The following CYREN variants were observed in gnomAD, a reference collection of about 807,000 sequenced individuals.
CYREN encodes cell cycle regulator of non-homologous end joining.
In CYREN, 7 loss-of-function variants were observed where a neutral mutation model predicts 9.7. The observed-to-expected ratio is 0.72, with a 90% confidence interval of 0.41 to 1.36. CYREN has a LOEUF of 1.36. Among genes scored for constraint, CYREN ranks in the 40% most tolerant of loss-of-function variants. CYREN has a pLI of 0.01. For missense variants in CYREN, 215 were observed against 198.1 expected (o/e 1.09, Z -0.51); for synonymous variants, 76 against 77.9 (o/e 0.98, Z 0.13).
chr7:135,164,786 G>A, downstream of CYREN: 1 of 1,614,170 alleles, frequency 6.2e-7, no homozygotes, highest in South Asian at 1.1e-5. Flanking sequence ...CGTGGCGGCT[G>A]GCAGTGGGCT....
intron 2 of CYREN, among the ~76,000 whole-genome samples, chr7:135,127,256 A>C (rs1331307356): frequency 6.6e-6 from 1 of 152,220 alleles, no homozygotes; most frequent in Non-Finnish European, 1.5e-5. Flanking sequence ...GCCAACAAGC[A>C]TATGTAAAAA....
chr7:135,148,203 A>G (rs1395048007), intron 2 of CYREN: 2 of 431,872 alleles, frequency 4.6e-6, no homozygotes, highest in Admixed American at 5.9e-5. Context: ...GGAAGATTCA[A>G]ACAACCAACC....
In CYREN at chr7:135,119,231, TA is replaced by T. The variant is rs200887054; in HGVS notation, n.357-24650del. 2.9e-3 allele frequency among the ~76,000 whole-genome samples: 436 copies of T among 151,166 alleles called. 1 individual carries two copies. The highest frequency in any genetic ancestry group is 4.9e-3 in the Non-Finnish European group (331 of 67,648). On this transcript the variant is annotated intron_variant and non_coding_transcript_variant, in intron 2 of 2. Coordinates refer to the CYREN transcript ENST00000459937. ...ATTCATGCCAAGATACCCCAAAATTTAAATTTTTTTTTTTTTGAGACAAAGT... is the reference window on the plus strand; with the variant it reads ...ATTCATGCCAAGATACCCCAAAATTTAATTTTTTTTTTTTTGAGACAAAGT...
chr7:135,153,567 A>G (rs1829716280), intron 2 of CYREN, among the ~76,000 whole-genome samples: 1 of 152,184 alleles, frequency 6.6e-6, no homozygotes, highest in African/African-American at 2.4e-5. Context: ...AATTAATACA[A>G]CTTTTAGGGA....
chr7:135,131,512 G>T (rs1193872847), intron 2 of CYREN, among the ~76,000 whole-genome samples: 1 of 151,708 alleles, frequency 6.6e-6, no homozygotes, highest in Non-Finnish European at 1.5e-5. Context: ...TAATGGAAAT[G>T]AAACTATAAT....
chr7:135,168,542 C>G lies in CYREN; in HGVS notation c.137+244G>C, dbSNP rs559097855. 688 of 527,536 alleles carry G rather than the reference C, an allele frequency of 1.3e-3. 4 individuals are homozygous for G. Among genetic ancestry groups the G allele is most frequent in the South Asian group, 1.4e-3 (51 of 36,078 alleles). 32.7% of individuals were successfully genotyped at this position (527,536 alleles called of 1,614,324 possible). A position where few individuals can be genotyped will look rare whatever the true frequency, so the allele number is the denominator to read the frequency against. ...GACTGGCTGACATGGAGAACCCACT[C>G]TGTGTGTGCTGAGGGCAGGGCACTC... is the stretch of plus-strand genomic sequence containing the variant. On this transcript the variant is annotated intron_variant, in intron 2 of 3. Coordinates refer to ENST00000393114, the MANE Select transcript of CYREN (RefSeq NM_024033.4).
At chr7:135,130,593 T>G (rs1828601972) in intron 2 of CYREN, among the ~76,000 whole-genome samples, 1 of 151,806 alleles carries the variant, frequency 6.6e-6, no homozygotes, top group South Asian at 2.1e-4. Context: ...GGAGAAAGCT[T>G]AATAATATAT....
At chr7:135,135,243 G>C (rs1200126304) in intron 2 of CYREN, 1 of 1,523,354 alleles carries the variant, frequency 6.6e-7, no homozygotes, top group Non-Finnish European at 8.8e-7. Flanking sequence ...TATATCTGAA[G>C]TTCCAAAGGG....
chr7:135,153,400 G>A (rs1011376795), intron 2 of CYREN, among the ~76,000 whole-genome samples: 1 of 144,384 alleles, frequency 6.9e-6, no homozygotes, highest in Admixed American at 7.2e-5. Flanking sequence ...GTTGCAGTGA[G>A]CTGAGATCAT....
intron 2 of CYREN, among the ~76,000 whole-genome samples, chr7:135,158,671 CAG>C (rs1480688251): frequency 4.0e-5 from 6 of 151,406 alleles, no homozygotes; most frequent in Admixed American, 1.3e-4. Context: ...GGCCTGGGAT[CAG>C]AGAGTGTCCC....
At chr7:135,136,524 G>A (rs1829348914) in intron 2 of CYREN, among the ~76,000 whole-genome samples, 2 of 151,970 alleles carry the variant, frequency 1.3e-5, no homozygotes, top group African/African-American at 4.8e-5. Flanking sequence ...TGATTATCTT[G>A]GGCAAGAGCA....
rs151074210 is a variant in CYREN, at chr7:135,167,511, G to A, written c.213+221C>T. 4.8e-4 allele frequency: 683 copies of A among 1,409,974 alleles called. 2 individuals are homozygous for A. In the African/African-American group the frequency reaches 8.3e-3, roughly 17 times the overall value. 87.3% of individuals were successfully genotyped at this position (1,409,974 alleles called of 1,614,324 possible). ...CACACACACGCCCTCCCTAACACACGCATGCCCTCCCAGGCTTCTAGCCTC... is the reference window on the plus strand; with the variant it reads ...CACACACACGCCCTCCCTAACACACACATGCCCTCCCAGGCTTCTAGCCTC... On this transcript the variant is annotated intron_variant, in intron 3 of 3. Coordinates refer to ENST00000393114, the MANE Select transcript of CYREN (RefSeq NM_024033.4).
downstream of CYREN, among the ~76,000 whole-genome samples, chr7:135,163,849 T>TCAC (rs1830011761): frequency 6.6e-6 from 1 of 152,178 alleles, no homozygotes; most frequent in Admixed American, 6.5e-5. Context: ...TGACCCAGGC[T>TCAC]CACCTTCGAA....
At chr7:135,128,815 G>A in intron 2 of CYREN, 1 of 1,167,366 alleles carries the variant, frequency 8.6e-7, no homozygotes, top group Non-Finnish European at 1.3e-6. Flanking sequence ...GGAAACTGTG[G>A]ATGAGACAGC....
At chr7:135,163,359 T>C (rs776311344), downstream of CYREN, among the ~76,000 whole-genome samples, 12 of 152,206 alleles carry the variant, frequency 7.9e-5, no homozygotes, top group Non-Finnish European at 1.6e-4. Context: ...AAATATCTTC[T>C]GGCCAGGCAT....
At chr7:135,094,473 G>A in exon 3 of CYREN, 1 of 456,702 alleles carries the variant, frequency 2.2e-6, no homozygotes, top group South Asian at 1.5e-5. Flanking sequence ...TAGCTTGAAA[G>A]TGAGAAACTC....
chr7:135,108,111 A>G (rs775297732), intron 2 of CYREN, among the ~76,000 whole-genome samples: 1 of 152,102 alleles, frequency 6.6e-6, no homozygotes, highest in Non-Finnish European at 1.5e-5. Context: ...GTGTCACTGC[A>G]TGTGAGATGG....
At chr7:135,168,679 C>A in intron 2 of CYREN, 107 bp downstream of exon 2, 1 of 1,467,452 alleles carries the variant, frequency 6.8e-7, no homozygotes, top group Non-Finnish European at 9.1e-7. Context: ...ACTGAAACAC[C>A]CGCCCATCTT....
intron 2 of CYREN, chr7:135,101,230 G>A: frequency 2.2e-6 from 1 of 456,174 alleles, no homozygotes; most frequent in Non-Finnish European, 4.4e-6. Context: ...TCTCCTATGG[G>A]CAAACAAACT....
Sources: allele counts gnomAD v4.1 joint callset (sites outside exome capture counted in the v4.1 genomes callset), GRCh38; gene constraint gnomAD v4.1.1; transcripts MANE v1.5; gene names NCBI Gene and HGNC (gene_info 2026-07-23, HGNC 2026-07-21).